UNC13C: variants seen among roughly 807,000 people sequenced by gnomAD.
UNC13C encodes the protein unc-13 homolog C, also known as protein unc-13 homolog C.
Under a neutral mutation model 245.4 loss-of-function variants are expected in UNC13C, and 174 were observed. The observed-to-expected ratio is 0.71, with a 90% CI of 0.63 to 0.80. UNC13C has a LOEUF of 0.80. Ranked by LOEUF, UNC13C falls within the 30% of genes least tolerant of loss-of-function variation. UNC13C has a pLI of 0.00. For missense variants in UNC13C, 2,829 were observed against 2,602.9 expected, an observed-to-expected ratio of 1.09 and a Z score of -1.89; for synonymous variants, 992 against 895.1, an observed-to-expected ratio of 1.11 and a Z score of -1.93.
chr15:53,998,270 A>G (rs995669084), intron 1 of UNC13C, among the ~76,000 whole-genome samples: 6 of 152,104 alleles, frequency 3.9e-5, no homozygotes, highest in Admixed American at 3.9e-4. Flanking sequence ...TTAACGTTGA[A>G]TTTTTCAACT....
chr15:54,420,206 G>A (rs8032997), intron 19 of UNC13C, among the ~76,000 whole-genome samples: 40,979 of 151,848 alleles, frequency 0.27, 5,835 homozygotes, highest in African/African-American at 0.36. Context: ...GGCAACATAC[G>A]TAAGTAGCTC....
chr15:54,563,585 A>T (rs1400009159), intron 29 of UNC13C, among the ~76,000 whole-genome samples: 2 of 152,016 alleles, frequency 1.3e-5, no homozygotes, highest in Non-Finnish European at 2.9e-5. Flanking sequence ...GAATCAATGG[A>T]AAATAATGCA....
intron 17 of UNC13C, among the ~76,000 whole-genome samples, chr15:54,389,021 T>C (rs2039897042): frequency 6.6e-6 from 1 of 152,164 alleles, no homozygotes; most frequent in African/African-American, 2.4e-5. Context: ...AACCAAGTAA[T>C]CCTATGTTTA....
chr15:54,465,024 G>A (rs1353027124), intron 19 of UNC13C, among the ~76,000 whole-genome samples: 7 of 151,894 alleles, frequency 4.6e-5, no homozygotes, highest in Non-Finnish European at 1.5e-5. Context: ...ATATTACACA[G>A]ATAATACATA....
intron 19 of UNC13C, among the ~76,000 whole-genome samples, chr15:54,485,242 T>C (rs1311058818): frequency 6.6e-6 from 1 of 152,222 alleles, no homozygotes; most frequent in East Asian, 1.9e-4. Context: ...AGAAACTGGA[T>C]ACAATCTTTA....
At chr15:54,561,255 A>G (rs1897287996) in intron 29 of UNC13C, among the ~76,000 whole-genome samples, 2 of 151,946 alleles carry the variant, frequency 1.3e-5, no homozygotes, top group African/African-American at 4.8e-5. Context: ...AGTCCAGATT[A>G]AAAGCTGAGA....
chr15:53,872,810 T>A, the UNC13C span, among the ~76,000 whole-genome samples: 1 of 152,220 alleles, frequency 6.6e-6, no homozygotes, highest in Non-Finnish European at 1.5e-5. Flanking sequence ...TCTCTCATTA[T>A]CCTTCTAGGC....
intron 30 of UNC13C, among the ~76,000 whole-genome samples, chr15:54,598,118 T>G (rs758960165): frequency 8.7e-4 from 132 of 152,210 alleles, no homozygotes; most frequent in Admixed American, 1.4e-3. Context: ...ATTTTGTTTT[T>G]GAGATGGAGT....
At chr15:54,308,885 A>G (rs904689939) in intron 13 of UNC13C, among the ~76,000 whole-genome samples, 5 of 151,700 alleles carry the variant, frequency 3.3e-5, no homozygotes, top group African/African-American at 1.2e-4. Context: ...ATGTATATAC[A>G]TTTTCTTTAT....
At chr15:54,625,343 C>CA (rs1901065627) in intron 32 of UNC13C, among the ~76,000 whole-genome samples, 3 of 151,990 alleles carry the variant, frequency 2.0e-5, no homozygotes, top group Non-Finnish European at 2.9e-5. Context: ...TTGCAAACAG[C>CA]AAAAAGGAGG....
At chr15:54,127,580 T>A (rs2031129885) in intron 2 of UNC13C, among the ~76,000 whole-genome samples, 1 of 151,654 alleles carries the variant, frequency 6.6e-6, no homozygotes, top group Non-Finnish European at 1.5e-5. Flanking sequence ...AGGGAAGGGA[T>A]AGCATTAAGA....
chr15:54,248,247 C>T (rs1193223725), intron 7 of UNC13C, among the ~76,000 whole-genome samples: 4 of 151,882 alleles, frequency 2.6e-5, no homozygotes, highest in Admixed American at 2.6e-4. Context: ...AAACGAGTTG[C>T]CTGATGCAAT....
At chr15:54,430,579 T>C (rs2040852108) in intron 19 of UNC13C, among the ~76,000 whole-genome samples, 1 of 151,676 alleles carries the variant, frequency 6.6e-6, no homozygotes, top group Non-Finnish European at 1.5e-5. Context: ...TAAATATTAA[T>C]AGAAATTAAG....
chr15:53,937,282 T>A, the UNC13C span, among the ~76,000 whole-genome samples: 1 of 151,764 alleles, frequency 6.6e-6, no homozygotes, highest in African/African-American at 2.4e-5. Flanking sequence ...GGAAAGAATA[T>A]CAGAGCTTGA....
At chr15:54,186,364 G>A (rs1000050206) in intron 4 of UNC13C, among the ~76,000 whole-genome samples, 4 of 152,274 alleles carry the variant, frequency 2.6e-5, no homozygotes, top group Non-Finnish European at 5.9e-5. Context: ...CAAAGGGAAT[G>A]TAGTTTAAAT....
intron 4 of UNC13C, among the ~76,000 whole-genome samples, chr15:54,192,137 T>C (rs1293611755): frequency 6.6e-6 from 1 of 152,210 alleles, no homozygotes; most frequent in African/African-American, 2.4e-5. Context: ...TGAATGATAC[T>C]GTAAAGGCAA....
intron 2 of UNC13C, among the ~76,000 whole-genome samples, chr15:54,032,122 A>G (rs895409108): frequency 6.6e-6 from 1 of 152,242 alleles, no homozygotes; most frequent in Non-Finnish European, 1.5e-5. Context: ...TTTGCAGTTC[A>G]GGGTCAGATG....
Position 54,134,442 on chromosome 15 carries a change from T to G in UNC13C, c.2984-8576T>G, listed in dbSNP as rs867234658. 6.4e-3 allele frequency among the ~76,000 whole-genome samples: 835 copies of G among 130,724 alleles called. 12 individuals carry two copies. The highest frequency in any genetic ancestry group is 0.023 in the African/African-American group (789 of 34,916). The allele number at this position is 130,724 out of a possible 152,430, so 85.8% of individuals were successfully genotyped here. A position where few individuals can be genotyped will look rare whatever the true frequency, so the allele number is the denominator to read the frequency against. Reference sequence around the variant, plus strand: ...CATCTGTGTGTGTGTGTGTGTGCGTTTGTGTGTGTATACACATATATACAC... The same window carrying G: ...CATCTGTGTGTGTGTGTGTGTGCGTGTGTGTGTGTATACACATATATACAC... On this transcript the variant is annotated intron_variant, in intron 2 of 32. Transcript: ENST00000260323.
chr15:54,225,580 A>G (rs1027863851), intron 4 of UNC13C, among the ~76,000 whole-genome samples: 9 of 152,250 alleles, frequency 5.9e-5, no homozygotes, highest in Admixed American at 2.0e-4. Context: ...AATGTGAATG[A>G]GAGTTCACTC....
Sources: gnomAD v4.1 joint callset for allele counts (sites outside exome capture counted in the v4.1 genomes callset) on GRCh38, gnomAD v4.1.1 for gene constraint, MANE v1.5 for transcripts, NCBI Gene and HGNC (gene_info 2026-07-23, HGNC 2026-07-21) for gene names.